The following PWWP3B variants were observed in gnomAD, a reference collection of about 807,000 sequenced individuals.
PWWP3B encodes PWWP domain-containing DNA repair factor 3B.
In PWWP3B, 5 loss-of-function variants were observed where a neutral mutation model predicts 15.7. That is an observed-to-expected ratio of 0.32 (90% confidence interval 0.17 to 0.67). PWWP3B has a LOEUF of 0.67. Ranked by LOEUF, PWWP3B falls within the 30% of genes least tolerant of loss-of-function variation. The pLI, the probability that PWWP3B is intolerant of heterozygous loss-of-function variation, is 0.74. For synonymous variants in PWWP3B, 203 were observed against 179.8 expected (o/e 1.13, Z -1.03); for missense variants, 519 against 493.1 (o/e 1.05, Z -0.50).
chrX:106,178,094 G>A (rs762509368), intron 2 of PWWP3B, among the ~76,000 whole-genome samples: 9 of 111,718 alleles, frequency 8.1e-5, no homozygotes, highest in Non-Finnish European at 1.5e-4. Context: ...TTTGTGAATA[G>A]TGGAATTTTT....
Position 106,207,327 on chromosome X carries a change from A to C in PWWP3B, c.1895A>C (p.Lys632Thr). Residue 632 changes from lysine to threonine, a missense_variant, in exon 4 of 4, where the codon AAA becomes ACA. By Grantham distance (78) the Lys-to-Thr change is moderately conservative. Coordinates refer to ENST00000357175, the MANE Select transcript of PWWP3B (RefSeq NM_001171020.2). ...QIMPTWIKDD[K>T]IKFILEVLLP... is the part of the protein sequence containing the mutation. ...ATGCCAACTTGGATAAAAGATGATA[A>C]AATTAAATTTATCCTAGAAGTTCTT... is the stretch of plus-strand genomic sequence containing the variant. 8.3e-7 allele frequency: 1 copy of C among 1,201,840 alleles called. No homozygotes were observed. The highest frequency in any genetic ancestry group is 1.1e-6 in the Non-Finnish European group (1 of 889,894).
intron 2 of PWWP3B, among the ~76,000 whole-genome samples, chrX:106,175,933 G>C (rs1921877733): frequency 9.0e-6 from 1 of 110,652 alleles, no homozygotes; most frequent in Non-Finnish European, 1.9e-5. Flanking sequence ...CCGATATATA[G>C]CACCTCCCTT....
At position 106,205,866 on chromosome X, in the gene PWWP3B, T is replaced by G; in HGVS notation, c.434T>G (p.Leu145Arg). The change falls in exon 4 of 4, where the codon CTT becomes CGT. Residue 145 changes from leucine to arginine, a missense_variant. Transcript: ENST00000357175. ...GATGAAGGTGACTTACCAGGGTGTC[T>G]TGAGGAAAGGGAAAACTCAGCATGC... The part of the protein sequence containing the change: ...RKDEGDLPGC[L>R]EERENSACLL... 2 of 1,211,482 alleles carry G rather than the reference T, an allele frequency of 1.7e-6. No homozygotes were observed. The highest frequency in any genetic ancestry group is 2.2e-6 in the Non-Finnish European group (2 of 895,359).
intron 2 of PWWP3B, among the ~76,000 whole-genome samples, chrX:106,183,146 A>G (rs1007829155): frequency 5.3e-4 from 59 of 111,003 alleles, no homozygotes; most frequent in African/African-American, 1.8e-3. Flanking sequence ...CCTTCCCACA[A>G]AGAATCCATA....
intron 2 of PWWP3B, among the ~76,000 whole-genome samples, chrX:106,183,390 T>C (rs1446927227): frequency 9.0e-6 from 1 of 111,330 alleles, no homozygotes; most frequent in African/African-American, 3.3e-5. Flanking sequence ...TAAGGAAAAG[T>C]GGTGGGGTCT....
chrX:106,187,384 T>C (rs1417065779), intron 2 of PWWP3B, among the ~76,000 whole-genome samples: 1 of 112,379 alleles, frequency 8.9e-6, no homozygotes, highest in Non-Finnish European at 1.9e-5. Flanking sequence ...GTTTTATTTA[T>C]TGGCATGTGT....
chrX:106,203,729 T>A (rs1201951139), intron 2 of PWWP3B, among the ~76,000 whole-genome samples: 1 of 112,127 alleles, frequency 8.9e-6, no homozygotes, highest in Non-Finnish European at 1.9e-5. Flanking sequence ...TTGTTACTTC[T>A]TTTTTGCCTA....
At position 106,206,597 on chromosome X, in the gene PWWP3B, C is replaced by A. The variant is rs1924044204; in HGVS notation, c.1165C>A (p.Pro389Thr). 8.3e-7 allele frequency: 1 copy of A among 1,209,773 alleles called. No homozygotes were observed. The highest frequency in any genetic ancestry group is 1.1e-6 in the Non-Finnish European group (1 of 894,411). Residue 389 changes from proline (P) to threonine (T), a missense_variant, in exon 4 of 4, where the codon CCG (proline) becomes ACG (threonine). Physicochemically the swap from Pro to Thr is conservative, Grantham distance 38. Transcript: ENST00000357175. ...CTTCATTTTACATTATGAGACACAT[C>A]CGTTTGAAACAGGAATGATAGTCTG... ...PRFILHYETH[P>T]FETGMIVWFK...
At chrX:106,176,345 C>T (rs1451864529) in intron 2 of PWWP3B, among the ~76,000 whole-genome samples, 3 of 111,213 alleles carry the variant, frequency 2.7e-5, no homozygotes, top group Non-Finnish European at 5.7e-5. Context: ...CTGCCCACCT[C>T]GGCCTTCCAA....
At position 106,205,825 on chromosome X, in the gene PWWP3B, T is replaced by G; in HGVS notation, c.393T>G (p.His131Gln). ...VPQKQSDSPP[H>Q]KKYRKDEGDL... is the part of the protein sequence containing the mutation. ...AAAAACAGTCCGATTCACCCCCTCA[T>G]AAAAAATACCGGAAGGATGAAGGTG... The change falls in exon 4 of 4, where the codon CAT (histidine) becomes CAG (glutamine). Residue 131 changes from histidine to glutamine, a missense_variant. Transcript: ENST00000357175. 1 of 1,210,966 alleles carries G rather than the reference T, an allele frequency of 8.3e-7. No homozygotes were observed. Among genetic ancestry groups the G allele is most frequent in the Non-Finnish European group, 1.1e-6 (1 of 895,206 alleles).
chrX:106,189,140 T>C (rs989452808), intron 2 of PWWP3B, among the ~76,000 whole-genome samples: 4 of 112,524 alleles, frequency 3.6e-5, no homozygotes, highest in African/African-American at 1.3e-4. Flanking sequence ...TTCCAGTTGA[T>C]ACACATCATT....
chrX:106,189,883 C>T (rs1216465095), intron 2 of PWWP3B, among the ~76,000 whole-genome samples: 3 of 112,332 alleles, frequency 2.7e-5, no homozygotes, highest in Non-Finnish European at 5.6e-5. Context: ...TCCCAAAGTG[C>T]TGGGATTACA....
rs370109010 is a variant in PWWP3B, at chrX:106,206,081, G to C, written c.649G>C (p.Val217Leu). The C allele has an allele frequency of 1.4e-5, 17 of 1,209,749 alleles. No individual in the cohort carries two copies. The highest frequency in any genetic ancestry group is 1.7e-5 in the Non-Finnish European group (15 of 894,941). The change falls in exon 4 of 4, where the codon GTT becomes CTT. Residue 217 changes from valine to leucine, a missense_variant. Physicochemically the swap from Val to Leu is conservative, Grantham distance 32. Coordinates refer to ENST00000357175, the MANE Select transcript of PWWP3B (RefSeq NM_001171020.2). ...ENKNKIDISA[V>L]MSVHSAVKEE... is the part of the protein sequence containing the mutation. ...CAAGAATAAGATTGATATCTCAGCA[G>C]TTATGTCTGTGCATTCTGCAGTCAA...
At position 106,207,621 on chromosome X, in the gene PWWP3B, G is replaced by T; in HGVS notation, c.*98G>T. On this transcript the variant is annotated 3_prime_UTR_variant, in exon 4 of 4. Coordinates refer to ENST00000357175, the MANE Select transcript of PWWP3B (RefSeq NM_001171020.2). ...CTCTAATACATATTTTCTGCAAATG[G>T]GAGCATGGATAATGTGTTCACTTTT... 1.2e-6 allele frequency: 1 copy of T among 845,882 alleles called. No individual in the cohort carries two copies. The highest frequency in any genetic ancestry group is 1.6e-6 in the Non-Finnish European group (1 of 627,185). The allele number at this position is 845,882 out of a possible 1,213,427, so 69.7% of individuals were successfully genotyped here.
chrX:106,199,646 A>G (rs1368389783), intron 2 of PWWP3B, among the ~76,000 whole-genome samples: 8 of 111,097 alleles, frequency 7.2e-5, no homozygotes, highest in Non-Finnish European at 1.1e-4. Context: ...CAAGCTGGTT[A>G]TTTATCCCCC....
chrX:106,183,484 C>T (rs1365216205), intron 2 of PWWP3B, among the ~76,000 whole-genome samples: 1 of 111,763 alleles, frequency 8.9e-6, no homozygotes, highest in Admixed American at 9.5e-5. Context: ...TGATTCCCTC[C>T]TCAAATAGGG....
intron 2 of PWWP3B, among the ~76,000 whole-genome samples, chrX:106,181,529 T>G (rs188453522): frequency 7.1e-5 from 8 of 111,987 alleles, no homozygotes; most frequent in African/African-American, 2.6e-4. Context: ...CATTGATTTG[T>G]GCATTTACAA....
At chrX:106,184,241 G>T (rs774272436) in intron 2 of PWWP3B, among the ~76,000 whole-genome samples, 34 of 111,452 alleles carry the variant, frequency 3.1e-4, no homozygotes, top group African/African-American at 1.1e-3. Context: ...GGTTTCTCCT[G>T]ATACCTGGGG....
intron 2 of PWWP3B, among the ~76,000 whole-genome samples, chrX:106,189,533 T>C (rs1922746582): frequency 1.8e-5 from 2 of 110,857 alleles, no homozygotes; most frequent in African/African-American, 6.6e-5. Context: ...TCCAGTTTCA[T>C]CCATGTCCCT....
Sources: gnomAD v4.1 joint callset for allele counts (sites outside exome capture counted in the v4.1 genomes callset) on GRCh38, gnomAD v4.1.1 for gene constraint, MANE v1.5 for transcripts, NCBI Gene and HGNC (gene_info 2026-07-23, HGNC 2026-07-21) for gene names.